The following SLC2A9 variants were observed in gnomAD, a reference collection of about 807,000 sequenced individuals.
SLC2A9 encodes solute carrier family 2, facilitated glucose transporter member 9.
A neutral mutation model predicts 50.6 loss-of-function variants in SLC2A9; 39 were observed. That is an observed-to-expected ratio of 0.77 (90% CI 0.60 to 1.01). The LOEUF is 1.01. SLC2A9 is among the 50% of genes least tolerant of loss of function. The pLI is 0.00. For synonymous variants in SLC2A9, 324 were observed against 276.9 expected (o/e 1.17, Z -1.69); for missense variants, 686 against 677.6 (o/e 1.01, Z -0.14).
At chr4:9,792,491 A>G (rs188429602) in intron 3 of SLC2A9, among the ~76,000 whole-genome samples, 2 of 152,066 alleles carry the variant, frequency 1.3e-5, no homozygotes, top group African/African-American at 4.8e-5. Context: ...GTCTGGCCAC[A>G]TTTTCTCTGT....
Position 9,997,029 on chromosome 4 carries a change from C to T in SLC2A9, c.250-88G>A, listed in dbSNP as rs1337107927. On this transcript the variant is annotated intron_variant, in intron 2 of 11. Coordinates refer to ENST00000264784, the MANE Select transcript of SLC2A9 (RefSeq NM_020041.3). ...AGTGTACAAAACAAAACAGCTTGTA[C>T]AGAGCATTTTCATGCATAGCACTTT... The T allele has an allele frequency of 4.0e-6, 6 of 1,499,208 alleles. No individual in the cohort carries two copies. The East Asian group carries it at 9.1e-5, about 23-fold the overall frequency. The allele number at this position is 1,499,208 out of a possible 1,614,324, so 92.9% of individuals were successfully genotyped here. A position where few individuals can be genotyped will look rare whatever the true frequency, so the allele number is the denominator to read the frequency against.
chr4:9,937,782 G>C (rs1747356287), intron 6 of SLC2A9, among the ~76,000 whole-genome samples: 2 of 152,226 alleles, frequency 1.3e-5, no homozygotes, highest in African/African-American at 2.4e-5. Context: ...TCACCCCGTG[G>C]CCTCCTTCCT....
chr4:9,793,711 G>C (rs1385839258), intron 3 of SLC2A9, among the ~76,000 whole-genome samples: 1 of 152,180 alleles, frequency 6.6e-6, no homozygotes, highest in African/African-American at 2.4e-5. Flanking sequence ...TCATGAAAGA[G>C]ATTTTTCTGT....
At chr4:9,780,451 G>A (rs1310300178) in intron 3 of SLC2A9, among the ~76,000 whole-genome samples, 1 of 152,136 alleles carries the variant, frequency 6.6e-6, no homozygotes, top group Admixed American at 6.5e-5. Context: ...AAGGAGGTTG[G>A]GGGAAGGGAC....
chr4:9,780,740 G>C (rs1718241809), intron 3 of SLC2A9, among the ~76,000 whole-genome samples: 1 of 152,186 alleles, frequency 6.6e-6, no homozygotes, highest in African/African-American at 2.4e-5. Flanking sequence ...GCTGGGAGGT[G>C]CACTCAGAGC....
chr4:9,827,557 G>T (rs1263409483), intron 11 of SLC2A9, among the ~76,000 whole-genome samples: 1 of 152,156 alleles, frequency 6.6e-6, no homozygotes, highest in Non-Finnish European at 1.5e-5. Flanking sequence ...TTGGAGAATG[G>T]CAAAGTGCTT....
At position 9,856,784 on chromosome 4, in the gene SLC2A9, T is replaced by C. The variant is rs533801622; in HGVS notation, c.1292-21776A>G. Among the ~76,000 whole-genome samples, 5 of 152,192 alleles carry C rather than the reference T, an allele frequency of 3.3e-5. No homozygotes were observed. In the South Asian group the frequency reaches 1.0e-3, roughly 32 times the overall value. ...TACACCATGGAATACTATGCAGCCA[T>C]AAAAAAGAAAAAGATCACGTCTTTT... On this transcript the variant is annotated intron_variant, in intron 10 of 11. Transcript: ENST00000264784.
chr4:9,783,257 T>C, intron 3 of SLC2A9: 1 of 1,614,178 alleles, frequency 6.2e-7, no homozygotes, highest in Non-Finnish European at 8.5e-7. Flanking sequence ...CGCAGCTGCC[T>C]ACATCCACAT....
intron 2 of SLC2A9, among the ~76,000 whole-genome samples, chr4:10,001,942 T>A (rs1034335343): frequency 3.3e-5 from 5 of 152,188 alleles, no homozygotes; most frequent in Non-Finnish European, 5.9e-5. Context: ...CCTCTGCAGC[T>A]GGAAGTGGAC....
chr4:9,950,381 C>T (rs141292351), intron 5 of SLC2A9, among the ~76,000 whole-genome samples: 4 of 152,234 alleles, frequency 2.6e-5, no homozygotes, highest in South Asian at 2.1e-4. Flanking sequence ...CACATAGAGC[C>T]CCCCCATGGG....
intron 3 of SLC2A9, among the ~76,000 whole-genome samples, chr4:9,792,349 T>G (rs1446086338): frequency 6.6e-6 from 1 of 150,886 alleles, no homozygotes; most frequent in Non-Finnish European, 1.5e-5. Context: ...GATAGTTTTT[T>G]TTTTTTTTTT....
chr4:9,924,014 GA>G (rs2110108584), intron 6 of SLC2A9: 1 of 152,306 alleles, frequency 6.6e-6, no homozygotes, highest in South Asian at 2.1e-4. Context: ...TTTGCACGGA[GA>G]TGAAGTTCCT....
At chr4:9,962,462 C>A (rs6449166) in intron 5 of SLC2A9, among the ~76,000 whole-genome samples, 72,798 of 151,540 alleles carry the variant, frequency 0.48, 18,794 homozygotes, top group African/African-American at 0.67. Context: ...CAAACTAACA[C>A]AGAAACAGAA....
At chr4:9,880,065 T>A in intron 10 of SLC2A9, 1 of 985,438 alleles carries the variant, frequency 1.0e-6, no homozygotes, top group Non-Finnish European at 1.2e-6. Context: ...CATGAGTCTC[T>A]CTGCCATTCA....
intron 3 of SLC2A9, chr4:9,782,682 A>G: frequency 6.2e-7 from 1 of 1,613,860 alleles, no homozygotes; most frequent in South Asian, 1.1e-5. Flanking sequence ...GAGAACTGTG[A>G]CTCCAGCCTG....
At chr4:9,797,829 C>T (rs190824708), downstream of SLC2A9, among the ~76,000 whole-genome samples, 5 of 152,302 alleles carry the variant, frequency 3.3e-5, no homozygotes, top group South Asian at 2.1e-4. Context: ...TCTCACTCTG[C>T]GCCCAGGCTA....
intron 2 of SLC2A9, among the ~76,000 whole-genome samples, chr4:10,009,972 T>A (rs1761481054): frequency 6.6e-6 from 1 of 152,250 alleles, no homozygotes; most frequent in Non-Finnish European, 1.5e-5. Context: ...ATTCTTGGGA[T>A]TTCTTGAGTT....
chr4:10,026,054 A>T, upstream of SLC2A9: 1 of 1,400,970 alleles, frequency 7.1e-7, no homozygotes, highest in East Asian at 2.3e-5. Flanking sequence ...GCTTTCTCAG[A>T]TGTGCAAGTC....
At chr4:9,943,018 A>T (rs984361756) in intron 5 of SLC2A9, among the ~76,000 whole-genome samples, 3 of 152,178 alleles carry the variant, frequency 2.0e-5, no homozygotes, top group East Asian at 3.9e-4. Context: ...GGTGGGGCCC[A>T]TGGGAAGTTA....
Sources: gnomAD v4.1 joint callset for allele counts (sites outside exome capture counted in the v4.1 genomes callset) on GRCh38, gnomAD v4.1.1 for gene constraint, MANE v1.5 for transcripts, NCBI Gene and HGNC (gene_info 2026-07-23, HGNC 2026-07-21) for gene names.